Variants in CNTN5 observed in about 807,000 individuals in gnomAD.
CNTN5 encodes contactin-5.
CNTN5 carries 77 observed loss-of-function variants against 129.1 expected under a neutral mutation model. That is an observed-to-expected ratio of 0.60 (90% CI 0.50 to 0.72). The LOEUF (loss-of-function observed/expected upper bound fraction) is 0.72. CNTN5 is among the 30% of genes least tolerant of loss of function. The probability of loss-of-function intolerance (pLI) is 0.00; values close to 1 mark genes in which losing one functional copy is unlikely to be tolerated. For missense variants in CNTN5, 1,478 were observed against 1,328.8 expected, an observed-to-expected ratio of 1.11 and a Z score of -1.75; for synonymous variants, 509 against 465.6, an observed-to-expected ratio of 1.09 and a Z score of -1.20.
intron 2 of CNTN5, among the ~76,000 whole-genome samples, chr11:99,362,177 T>A (rs534625942): frequency 6.6e-6 from 1 of 152,032 alleles, no homozygotes; most frequent in South Asian, 2.1e-4. Flanking sequence ...ATAGCCAAGC[T>A]TATGGGTATA....
At chr11:99,305,891 G>C (rs539836707) in intron 1 of CNTN5, among the ~76,000 whole-genome samples, 1 of 152,056 alleles carries the variant, frequency 6.6e-6, no homozygotes, top group African/African-American at 2.4e-5. Flanking sequence ...TGAGACAGGA[G>C]AATTGCTTGA....
chr11:99,734,979 C>T (rs945858872), intron 3 of CNTN5, among the ~76,000 whole-genome samples: 1 of 151,622 alleles, frequency 6.6e-6, no homozygotes, highest in African/African-American at 2.4e-5. Context: ...CTGCAGTCCG[C>T]CCTGGGGGAA....
At chr11:99,229,642 G>A (rs550484034) in intron 1 of CNTN5, among the ~76,000 whole-genome samples, 7 of 151,926 alleles carry the variant, frequency 4.6e-5, no homozygotes, top group East Asian at 1.9e-4. Flanking sequence ...TAAGGAGAGC[G>A]TGATTTTAAA....
chr11:99,791,784 A>G (rs1231513356), intron 3 of CNTN5, among the ~76,000 whole-genome samples: 1 of 151,994 alleles, frequency 6.6e-6, no homozygotes, highest in African/African-American at 2.4e-5. Context: ...GATTTCTTAG[A>G]GCAGTGTTTT....
chr11:99,671,117 T>G (rs1419222932), intron 3 of CNTN5, among the ~76,000 whole-genome samples: 2 of 150,480 alleles, frequency 1.3e-5, no homozygotes, highest in African/African-American at 4.9e-5. Context: ...TCGCTCTTGC[T>G]CTCTCTCTCT....
chr11:99,494,104 A>G (rs1946137055), intron 2 of CNTN5, among the ~76,000 whole-genome samples: 1 of 152,222 alleles, frequency 6.6e-6, no homozygotes, highest in Non-Finnish European at 1.5e-5. Context: ...ATTTTGGTGT[A>G]GTACCACTCT....
At chr11:99,177,217 A>T (rs1045012207) in intron 1 of CNTN5, among the ~76,000 whole-genome samples, 2 of 152,076 alleles carry the variant, frequency 1.3e-5, no homozygotes, top group African/African-American at 4.8e-5. Context: ...ACTACTCAAT[A>T]CTTCTGGTCC....
At chr11:100,205,334 T>G (rs543080004) in intron 15 of CNTN5, among the ~76,000 whole-genome samples, 10 of 152,198 alleles carry the variant, frequency 6.6e-5, no homozygotes, top group African/African-American at 2.4e-4. Flanking sequence ...ATGGACTATT[T>G]TTATCATATT....
At position 99,840,250 on chromosome 11, in the gene CNTN5, TAAAG is replaced by T. The variant is rs374187167; in HGVS notation, c.278-4595_278-4592del. On this transcript the variant is annotated intron_variant, in intron 4 of 24. Coordinates refer to ENST00000524871, the MANE Select transcript of CNTN5 (RefSeq NM_014361.4). ...TACCTGCCAAGTTGTCTCTTAATGA[TAAAG>T]AAAGAATACATACATCTTAACTATG... 2.1e-3 allele frequency among the ~76,000 whole-genome samples: 327 copies of T among 152,098 alleles called. 2 individuals carry two copies. Among genetic ancestry groups the T allele is most frequent in the African/African-American group, 7.4e-3 (306 of 41,464 alleles).
In CNTN5 at chr11:100,038,179, G is replaced by A. The variant is rs530584496; in HGVS notation, c.981-23033G>A. 4.0e-4 allele frequency among the ~76,000 whole-genome samples: 61 copies of A among 152,000 alleles called. 1 individual carries two copies. Among genetic ancestry groups the A allele is most frequent in the Middle Eastern group, 3.4e-3 (1 of 294 alleles). ...TCTGGTATGTTGTGTCTTTGTTCTCGTTGGTTTCAAAGAACATCTTTATTT... is the reference window on the plus strand; with the variant it reads ...TCTGGTATGTTGTGTCTTTGTTCTCATTGGTTTCAAAGAACATCTTTATTT... On this transcript the variant is annotated intron_variant, in intron 9 of 24. Transcript: ENST00000524871.
intron 3 of CNTN5, among the ~76,000 whole-genome samples, chr11:99,812,465 T>G (rs1944879901): frequency 6.6e-6 from 1 of 152,066 alleles, no homozygotes; most frequent in African/African-American, 2.4e-5. Context: ...TAACAAAAAA[T>G]AATATAGAAA....
At chr11:100,325,968 A>G (rs1951779909) in intron 21 of CNTN5, among the ~76,000 whole-genome samples, 1 of 152,224 alleles carries the variant, frequency 6.6e-6, no homozygotes, top group Non-Finnish European at 1.5e-5. Context: ...ATCAGAAGAA[A>G]AATTTTAAAT....
chr11:99,795,810 T>C lies in CNTN5; in HGVS notation c.56-23734T>C, dbSNP rs112393171. Among the ~76,000 whole-genome samples, 218 of 152,248 alleles carry C rather than the reference T, an allele frequency of 1.4e-3. 1 individual carries two copies. Among genetic ancestry groups the C allele is most frequent in the African/African-American group, 4.9e-3 (204 of 41,536 alleles). On this transcript the variant is annotated intron_variant, in intron 3 of 24. Coordinates refer to ENST00000524871, the MANE Select transcript of CNTN5 (RefSeq NM_014361.4). The stretch of plus-strand genomic sequence containing the variant: ...CATGTTGTAACCCTGAGAGCAGTTA[T>C]GAGGTCACTGACTTAGTTATCTGAT...
chr11:99,710,566 CATGTGTGTGTGTGT>C lies in CNTN5; in HGVS notation c.56-108977_56-108964del, dbSNP rs1416259315. Reference sequence around the variant, plus strand: ...TCTAGATTGTGTGTGTGTGTGTGTGCATGTGTGTGTGTGTGTGTGTGTGTGTGTGTGTGTGTATG... The same window carrying C: ...TCTAGATTGTGTGTGTGTGTGTGTGCGTGTGTGTGTGTGTGTGTGTGTATG... On this transcript the variant is annotated intron_variant, in intron 3 of 24. Coordinates refer to ENST00000524871, the MANE Select transcript of CNTN5 (RefSeq NM_014361.4). 3.7e-3 allele frequency among the ~76,000 whole-genome samples: 288 copies of C among 78,216 alleles called. 1 individual carries two copies. Among genetic ancestry groups the C allele is most frequent in the African/African-American group, 0.012 (265 of 21,290 alleles). 51.3% of individuals were successfully genotyped at this position (78,216 alleles called of 152,430 possible).
In CNTN5 at chr11:99,687,153, C is replaced by T. The variant is rs530574652; in HGVS notation, c.55+130884C>T. On this transcript the variant is annotated intron_variant, in intron 3 of 24. Transcript: ENST00000524871. The stretch of plus-strand genomic sequence containing the variant: ...TTACGTATCTACCATTCAAATTCTT[C>T]AATTGTTGTTTTGTACACTGTTATT... 2.1e-5 allele frequency among the ~76,000 whole-genome samples: 3 copies of T among 140,478 alleles called. No individual in the cohort carries two copies. The South Asian group carries it at 6.9e-4, about 32-fold the overall frequency. 92.2% of individuals were successfully genotyped at this position (140,478 alleles called of 152,430 possible).
At chr11:99,408,612 C>A (rs1565558322) in intron 2 of CNTN5, among the ~76,000 whole-genome samples, 1 of 152,030 alleles carries the variant, frequency 6.6e-6, no homozygotes, top group African/African-American at 2.4e-5. Context: ...GAGATTAATG[C>A]AGGCTTCTTT....
chr11:99,338,673 G>A (rs1347279374), intron 2 of CNTN5, among the ~76,000 whole-genome samples: 1 of 151,648 alleles, frequency 6.6e-6, no homozygotes, highest in Non-Finnish European at 1.5e-5. Context: ...AGCCAAAATG[G>A]GAGCCAAGAA....
chr11:99,363,998 A>G (rs899143200), intron 2 of CNTN5, among the ~76,000 whole-genome samples: 1 of 152,080 alleles, frequency 6.6e-6, no homozygotes, highest in African/African-American at 2.4e-5. Context: ...AAGTCTATCA[A>G]TTTTCAGCTC....
Position 99,957,687 on chromosome 11 carries a change from G to A in CNTN5, c.877+678G>A, listed in dbSNP as rs147133804. Reference sequence around the variant, plus strand: ...CATGCAGCAAAAAATCTATGAAGGCGTTATTAAGAAGCATGAGAATCCTGG... The same window carrying A: ...CATGCAGCAAAAAATCTATGAAGGCATTATTAAGAAGCATGAGAATCCTGG... On this transcript the variant is annotated intron_variant, in intron 8 of 24. Coordinates refer to ENST00000524871, the MANE Select transcript of CNTN5 (RefSeq NM_014361.4). Among the ~76,000 whole-genome samples, 1,063 of 152,140 alleles carry A rather than the reference G, an allele frequency of 7.0e-3. 15 individuals carry two copies. The highest frequency in any genetic ancestry group is 0.023 in the African/African-American group (970 of 41,534).
Sources: allele counts gnomAD v4.1 joint callset (sites outside exome capture counted in the v4.1 genomes callset), GRCh38; gene constraint gnomAD v4.1.1; transcripts MANE v1.5; gene names NCBI Gene and HGNC (gene_info 2026-07-23, HGNC 2026-07-21).